The following LAMB1 variants were observed in gnomAD, a reference collection of about 807,000 sequenced individuals.
The protein encoded by LAMB1 is laminin subunit beta-1.
Under a neutral mutation model 222.3 loss-of-function variants are expected in LAMB1, and 121 were observed. The ratio of observed to expected loss-of-function variants is 0.54; its 90% CI spans 0.47 to 0.63. The LOEUF (loss-of-function observed/expected upper bound fraction) is 0.63. Among genes scored for constraint, LAMB1 ranks in the 30% least tolerant of loss-of-function variants. The pLI is 0.00. For synonymous variants in LAMB1, 794 were observed against 807.2 expected (o/e 0.98, Z 0.28); for missense variants, 2,172 against 2,240.8 (o/e 0.97, Z 0.62).
intron 13 of LAMB1, among the ~76,000 whole-genome samples, chr7:107,968,818 C>T (rs541311647): frequency 6.6e-6 from 1 of 152,216 alleles, no homozygotes; most frequent in Non-Finnish European, 1.5e-5. Flanking sequence ...ACAATGCAGC[C>T]CTACCAACAT....
intron 14 of LAMB1, 71 bp from the exon 15 acceptor site, chr7:107,963,134 A>T (rs1249534815): frequency 7.2e-7 from 1 of 1,393,690 alleles, no homozygotes; most frequent in East Asian, 2.3e-5. Flanking sequence ...AGTCAAAGTA[A>T]TCCGAAGTCA....
intron 3 of LAMB1, chr7:108,000,068 T>C (rs1311757963): frequency 1.3e-5 from 2 of 152,208 alleles, no homozygotes; most frequent in Non-Finnish European, 2.9e-5. Context: ...CAGGATGTCC[T>C]GGCCTCTCAA....
intron 28 of LAMB1, 32 bp from the exon 29 acceptor site, chr7:107,931,532 A>G: frequency 1.2e-6 from 2 of 1,600,760 alleles, no homozygotes; most frequent in Non-Finnish European, 1.7e-6. Flanking sequence ...CCCAGGGAAG[A>G]CTTTCATTCT....
intron 16 of LAMB1, 109 bp downstream of exon 16, chr7:107,961,440 G>A: frequency 6.4e-7 from 1 of 1,569,092 alleles, no homozygotes; most frequent in Non-Finnish European, 8.7e-7. Flanking sequence ...AAAAAAGTCA[G>A]CAGTCAACGT....
chr7:107,951,899 A>G, intron 23 of LAMB1, 110 bp downstream of exon 23: 1 of 885,302 alleles, frequency 1.1e-6, no homozygotes, highest in East Asian at 2.7e-5. Flanking sequence ...GATCCAGGCC[A>G]CGCTGTGTTT....
chr7:108,001,317 AGGGCTGT>A (rs2034377911), intron 3 of LAMB1, among the ~76,000 whole-genome samples: 1 of 152,256 alleles, frequency 6.6e-6, no homozygotes, highest in Admixed American at 6.5e-5. Flanking sequence ...CAGGGCAGCC[AGGGCTGT>A]CGGCAGTCCT....
intron 31 of LAMB1, 91 bp from the exon 32 acceptor site, chr7:107,926,450 G>T (rs561236095): frequency 9.2e-7 from 1 of 1,081,274 alleles, no homozygotes; most frequent in Non-Finnish European, 1.3e-6. Flanking sequence ...AAAGTCTGCT[G>T]TGCCATTTTG....
At position 107,975,075 on chromosome 7, in the gene LAMB1, T is replaced by C; in HGVS notation, c.1393A>G (p.Thr465Ala). Reference sequence around the variant, plus strand: ...TCACAAGGATTCCCTCCAGGAATTGTTCCCAGAGGATTGCAAGCACAAGCT... The same window carrying C: ...TCACAAGGATTCCCTCCAGGAATTGCTCCCAGAGGATTGCAAGCACAAGCT... The part of the protein sequence containing the change: ...CKSCACNPLG[T>A]IPGGNPCDSE... The change falls in exon 12 of 34, where the codon ACA (threonine) becomes GCA (alanine). Residue 465 changes from threonine (T) to alanine (A), a missense_variant. Thr to Ala is a moderately conservative substitution (Grantham distance 58). Coordinates refer to ENST00000222399, the MANE Select transcript of LAMB1 (RefSeq NM_002291.3). The C allele has an allele frequency of 6.2e-7, 1 of 1,612,202 alleles. No homozygotes were observed.
At chr7:107,927,231 A>G (rs934004168) in intron 31 of LAMB1, among the ~76,000 whole-genome samples, 16 of 152,376 alleles carry the variant, frequency 1.1e-4, no homozygotes, top group Admixed American at 9.8e-4. Flanking sequence ...CTTAGAAATT[A>G]TAATTCTTAG....
At chr7:107,937,899 TATTTA>T (rs1383668184) in intron 25 of LAMB1, among the ~76,000 whole-genome samples, 3 of 152,214 alleles carry the variant, frequency 2.0e-5, no homozygotes, top group Admixed American at 6.5e-5. Flanking sequence ...GCTTTCACAG[TATTTA>T]ATTTGGAATC....
chr7:107,980,314 T>C (rs2033947241), intron 8 of LAMB1, among the ~76,000 whole-genome samples: 1 of 152,236 alleles, frequency 6.6e-6, no homozygotes, highest in South Asian at 2.1e-4. Flanking sequence ...TCAATTGTTA[T>C]TTAGACAACT....
chr7:107,994,094 T>C (rs556152194), intron 5 of LAMB1, among the ~76,000 whole-genome samples: 5 of 151,208 alleles, frequency 3.3e-5, no homozygotes, highest in African/African-American at 9.7e-5. Flanking sequence ...CAACTCCAAC[T>C]GAAAGCTATT....
intron 4 of LAMB1, among the ~76,000 whole-genome samples, chr7:107,997,195 G>A (rs769482062): frequency 5.9e-5 from 9 of 152,144 alleles, no homozygotes; most frequent in South Asian, 2.1e-4. Context: ...AGGCCAAGGC[G>A]GGTGGATCAC....
chr7:107,923,903 T>C lies in LAMB1; in HGVS notation c.*48A>G. The C allele has an allele frequency of 1.3e-6, 2 of 1,529,338 alleles. No individual in the cohort carries two copies. The highest frequency in any genetic ancestry group is 1.4e-5 in the African/African-American group (1 of 70,480). 94.7% of individuals were successfully genotyped at this position (1,529,338 alleles called of 1,614,324 possible). On this transcript the variant is annotated 3_prime_UTR_variant, in exon 34 of 34. Coordinates refer to ENST00000222399, the MANE Select transcript of LAMB1 (RefSeq NM_002291.3). The stretch of plus-strand genomic sequence containing the variant: ...AAGAGCATTAAGTCAGTTTTTAAAA[T>C]GTAGTTGTTTTACCTTGTTCACCTC...
intron 20 of LAMB1, among the ~76,000 whole-genome samples, chr7:107,958,006 A>G (rs1307564042): frequency 2.0e-5 from 3 of 152,164 alleles, no homozygotes; most frequent in Admixed American, 2.0e-4. Context: ...TGCATTCTAC[A>G]GTGTGAGTGC....
chr7:107,998,394 A>T lies in LAMB1; in HGVS notation c.312T>A (p.Ala104=). 6.2e-7 allele frequency: 1 copy of T among 1,614,122 alleles called. No individual in the cohort carries two copies. The highest frequency in any genetic ancestry group is 1.3e-5 in the African/African-American group (1 of 75,048). Reference sequence around the variant, plus strand: ...GCCACCAAATCTTAAGGCGGTTTGGAGCAAATGTAGTGACCACATTTTCAA... The same window carrying T: ...GCCACCAAATCTTAAGGCGGTTTGGTGCAAATGTAGTGACCACATTTTCAA... The part of the protein sequence containing the change: ...HLIENVVTTF[A]PNRLKIWWQS... The change falls in exon 4 of 34, where the codon GCT becomes GCA. Residue 104 remains alanine, a synonymous_variant. Transcript: ENST00000222399.
At chr7:107,950,924 GT>G (rs1474136318) in intron 24 of LAMB1, among the ~76,000 whole-genome samples, 79 of 2,536 alleles carry the variant, frequency 0.031, no homozygotes, top group South Asian at 0.12. Context: ...TGTATTTGTG[GT>G]GTGTGTGTGT....
At chr7:107,953,941 G>C (rs2033318116) in intron 21 of LAMB1, among the ~76,000 whole-genome samples, 187 bp from the exon 22 acceptor site, 1 of 152,156 alleles carries the variant, frequency 6.6e-6, no homozygotes, top group South Asian at 2.1e-4. Flanking sequence ...GAGGAAGGCA[G>C]TATTACTTTC....
chr7:107,926,041 A>G (rs951021271), intron 32 of LAMB1, 142 bp downstream of exon 32: 24 of 619,898 alleles, frequency 3.9e-5, no homozygotes, highest in East Asian at 1.6e-4. Context: ...ACTTCTAAAG[A>G]CGGCTGTTGC....
Sources: allele counts gnomAD v4.1 joint callset (sites outside exome capture counted in the v4.1 genomes callset), GRCh38; gene constraint gnomAD v4.1.1; transcripts MANE v1.5; gene names NCBI Gene and HGNC (gene_info 2026-07-23, HGNC 2026-07-21).